Variants in DCC observed in about 807,000 individuals in gnomAD.
DCC encodes the protein DCC netrin 1 receptor.
Under a neutral mutation model 172.5 loss-of-function variants are expected in DCC, and 58 were observed. The ratio of observed to expected loss-of-function variants is 0.34; its 90% CI spans 0.27 to 0.42. DCC has a LOEUF of 0.42. Among genes scored for constraint, DCC ranks in the 10% least tolerant of loss-of-function variants. DCC has a pLI of 1.00. For missense variants in DCC, 1,740 were observed against 1,791.0 expected (o/e 0.97, Z 0.51); for synonymous variants, 709 against 644.5 (o/e 1.10, Z -1.52).
chr18:53,115,477 G>A (rs567454648), intron 7 of DCC, among the ~76,000 whole-genome samples: 1 of 151,476 alleles, frequency 6.6e-6, no homozygotes, highest in East Asian at 2.0e-4. Context: ...TTAATTGAAT[G>A]AAATGACTAG....
In DCC at chr18:52,640,040, G is replaced by A. The variant is rs562211845; in HGVS notation, c.92-112014G>A. 3.3e-5 allele frequency among the ~76,000 whole-genome samples: 5 copies of A among 152,218 alleles called. No homozygotes were observed. The South Asian group carries it at 8.3e-4, about 25-fold the overall frequency. On this transcript the variant is annotated intron_variant, in intron 1 of 28. Transcript: ENST00000442544. ...CATGATAAAGTGGGTTTCATACCAG[G>A]GATGCAGGGATGGTTTAACATACAC...
intron 2 of DCC, among the ~76,000 whole-genome samples, chr18:52,804,820 G>A (rs529939029): frequency 2.6e-5 from 4 of 152,158 alleles, no homozygotes; most frequent in East Asian, 1.9e-4. Context: ...CTGACCTCAT[G>A]ATCCACCCAC....
At position 52,387,634 on chromosome 18, in the gene DCC, C is replaced by G. The variant is rs571564009; in HGVS notation, c.91+46756C>G. On this transcript the variant is annotated intron_variant, in intron 1 of 28. Transcript: ENST00000442544. The stretch of plus-strand genomic sequence containing the variant: ...TCCTTCCTTCCTTCCTTCCTTCCTT[C>G]TGTCCTTCCAGCTTTAATGAAGTAT... 4.7e-5 allele frequency among the ~76,000 whole-genome samples: 7 copies of G among 150,166 alleles called. No homozygotes were observed. In the East Asian group the frequency reaches 1.4e-3, roughly 30 times the overall value.
At chr18:52,367,815 CA>C (rs1984946839) in intron 1 of DCC, among the ~76,000 whole-genome samples, 1 of 152,228 alleles carries the variant, frequency 6.6e-6, no homozygotes, top group Non-Finnish European at 1.5e-5. Flanking sequence ...ATTGGCTGTA[CA>C]TAGGCAAGTC....
chr18:53,354,405 C>G (rs913715501), intron 15 of DCC, among the ~76,000 whole-genome samples: 8 of 152,112 alleles, frequency 5.3e-5, no homozygotes, highest in Non-Finnish European at 1.0e-4. Context: ...CCTATTTCTC[C>G]ACATCCTCTC....
At chr18:52,662,305 T>G (rs572644020) in intron 1 of DCC, among the ~76,000 whole-genome samples, 1 of 152,238 alleles carries the variant, frequency 6.6e-6, no homozygotes, top group South Asian at 2.1e-4. Flanking sequence ...CAGCATTTCT[T>G]GATAGACAAA....
At chr18:53,127,102 T>A (rs35594898) in intron 7 of DCC, among the ~76,000 whole-genome samples, 32,867 of 151,076 alleles carry the variant, frequency 0.22, 4,579 homozygotes, top group African/African-American at 0.4. Flanking sequence ...AATAAGTGAT[T>A]CTCCCTAAAA....
chr18:53,173,175 G>A (rs1028632361), intron 8 of DCC, among the ~76,000 whole-genome samples: 1 of 152,104 alleles, frequency 6.6e-6, no homozygotes, highest in Non-Finnish European at 1.5e-5. Flanking sequence ...ATATAGCAGT[G>A]TGGTATGTGG....
chr18:53,170,887 T>G (rs1375805114), intron 8 of DCC, among the ~76,000 whole-genome samples: 2 of 152,140 alleles, frequency 1.3e-5, no homozygotes, highest in Non-Finnish European at 2.9e-5. Context: ...TTGTTGTTGT[T>G]GTTTGTTTGT....
intron 12 of DCC, among the ~76,000 whole-genome samples, chr18:53,301,596 C>T (rs1430567304): frequency 6.6e-6 from 1 of 152,146 alleles, no homozygotes; most frequent in African/African-American, 2.4e-5. Context: ...AACCCTGCCT[C>T]CATTCCCTAA....
intron 2 of DCC, among the ~76,000 whole-genome samples, chr18:52,885,185 G>A (rs938291413): frequency 3.3e-5 from 5 of 152,108 alleles, no homozygotes; most frequent in African/African-American, 1.2e-4. Flanking sequence ...ACTCAAGGAT[G>A]TAGGATTCTA....
At chr18:53,383,942 G>A (rs968914085) in intron 15 of DCC, among the ~76,000 whole-genome samples, 2 of 152,026 alleles carry the variant, frequency 1.3e-5, no homozygotes, top group Non-Finnish European at 2.9e-5. Flanking sequence ...AATTATTGAA[G>A]TATTTATCTT....
intron 5 of DCC, among the ~76,000 whole-genome samples, chr18:52,946,874 G>A (rs9958528): frequency 0.12 from 18,466 of 152,138 alleles, 1,526 homozygotes; most frequent in East Asian, 0.31. Flanking sequence ...CAAAAATCTC[G>A]TAATAAAGAT....
chr18:52,900,636 T>C (rs1352821080), intron 2 of DCC, among the ~76,000 whole-genome samples: 1 of 152,228 alleles, frequency 6.6e-6, no homozygotes, highest in South Asian at 2.1e-4. Context: ...GACTTTTCCA[T>C]ATGTAAAACA....
intron 2 of DCC, among the ~76,000 whole-genome samples, chr18:52,868,255 C>T (rs1378199411): frequency 6.6e-6 from 1 of 151,940 alleles, no homozygotes; most frequent in Non-Finnish European, 1.5e-5. Context: ...TCATGGAAAG[C>T]CCATGATGTA....
chr18:52,880,670 T>C (rs2039471936), intron 2 of DCC, among the ~76,000 whole-genome samples: 1 of 152,162 alleles, frequency 6.6e-6, no homozygotes, highest in Non-Finnish European at 1.5e-5. Flanking sequence ...CCTCCATCAG[T>C]GTTGTTGAAA....
intron 7 of DCC, among the ~76,000 whole-genome samples, chr18:53,146,394 A>G (rs1310269977): frequency 2.6e-5 from 4 of 152,304 alleles, no homozygotes; most frequent in East Asian, 3.9e-4. Context: ...TGCATCCTCT[A>G]TGGAGCAGGA....
intron 5 of DCC, among the ~76,000 whole-genome samples, chr18:53,032,249 A>G (rs2042035058): frequency 6.6e-6 from 1 of 152,202 alleles, no homozygotes; most frequent in African/African-American, 2.4e-5. Context: ...AATTTTCTCT[A>G]TATAAAGTCT....
chr18:52,824,192 G>A (rs2038463357), intron 2 of DCC, among the ~76,000 whole-genome samples: 1 of 152,154 alleles, frequency 6.6e-6, no homozygotes, highest in Admixed American at 6.5e-5. Context: ...TTCAATAAAG[G>A]GGAAAGTGAT....
Sources: allele counts gnomAD v4.1 joint callset (sites outside exome capture counted in the v4.1 genomes callset), GRCh38; gene constraint gnomAD v4.1.1; transcripts MANE v1.5; gene names NCBI Gene and HGNC (gene_info 2026-07-23, HGNC 2026-07-21).